PKD1L1: variants seen among roughly 807,000 people sequenced by gnomAD.
The protein encoded by PKD1L1 is polycystin 1 like 1, transient receptor potential channel interacting.
Under a neutral mutation model 323.4 loss-of-function variants are expected in PKD1L1, and 236 were observed. The observed-to-expected ratio is 0.73, with a 90% CI of 0.66 to 0.81. PKD1L1 has a LOEUF of 0.81. Among genes scored for constraint, PKD1L1 ranks in the 40% least tolerant of loss-of-function variants. The pLI, the probability that PKD1L1 is intolerant of heterozygous loss-of-function variation, is 0.00. For missense variants in PKD1L1, 3,320 were observed against 3,508.0 expected (o/e 0.95, Z 1.35); for synonymous variants, 1,344 against 1,335.0 (o/e 1.01, Z -0.15).
rs778967721 is a variant in PKD1L1, at chr7:47,893,928, G to A, written c.2403C>T (p.Val801=). Residue 801 remains valine (V), a synonymous_variant, in exon 15 of 57, where the codon GTC becomes GTT. Transcript: ENST00000289672. ...FFSRTTSSPI[V]LRGTQSFDPD... Reference sequence around the variant, plus strand: ...GGTCGAAGGACTGGGTCCCTCTGAGGACAATGGGGGATGAGGTGGTCCTGG... The same window carrying A: ...GGTCGAAGGACTGGGTCCCTCTGAGAACAATGGGGGATGAGGTGGTCCTGG... 19 of 1,614,092 alleles carry A rather than the reference G, an allele frequency of 1.2e-5. No homozygotes were observed. The highest frequency in any genetic ancestry group is 1.4e-5 in the Non-Finnish European group (16 of 1,180,028).
chr7:47,958,061 AC>A, the PKD1L1 span, among the ~76,000 whole-genome samples: 18 of 152,112 alleles, frequency 1.2e-4, no homozygotes, highest in African/African-American at 4.1e-4. Flanking sequence ...CTATCAAAAT[AC>A]CAATGACATT....
rs1786170084 is a variant in PKD1L1 at position 47,866,435 on chromosome 7, A to AATCTGC, written c.4070_4075dup (p.Cys1357_Arg1358dup). 6.2e-7 allele frequency: 1 copy of AATCTGC among 1,613,362 alleles called. No homozygotes were observed. The highest frequency in any genetic ancestry group is 1.3e-5 in the African/African-American group (1 of 74,912). ...GAGCCATACCTGATCTACAAAAGCC[A>AATCTGC]ATCTGCATACTGAAGAAATTAATGC... On this transcript the variant is annotated inframe_insertion, in exon 25 of 57. Coordinates refer to ENST00000289672, the MANE Select transcript of PKD1L1 (RefSeq NM_138295.5).
At chr7:47,901,601 C>G (rs1020209249) in intron 13 of PKD1L1, among the ~76,000 whole-genome samples, 7 of 152,184 alleles carry the variant, frequency 4.6e-5, no homozygotes, top group Non-Finnish European at 1.0e-4. Flanking sequence ...GCACGCAGAC[C>G]TGCCCAACAG....
chr7:47,813,753 T>A (rs1462801394), intron 48 of PKD1L1, among the ~76,000 whole-genome samples, 178 bp downstream of exon 48: 1 of 152,208 alleles, frequency 6.6e-6, no homozygotes, highest in African/African-American at 2.4e-5. Flanking sequence ...AAAGTGTTCA[T>A]AAAGGGGAAG....
At chr7:47,948,609 C>G (rs1365447065), upstream of PKD1L1, 1 of 612,836 alleles carries the variant, frequency 1.6e-6, no homozygotes, top group Non-Finnish European at 2.9e-6. Flanking sequence ...GTAACATTTT[C>G]CCAAGCAGAA....
intron 31 of PKD1L1, among the ~76,000 whole-genome samples, chr7:47,852,872 C>A (rs192120915): frequency 6.6e-6 from 1 of 151,994 alleles, no homozygotes; most frequent in South Asian, 2.1e-4. Context: ...CAGGAGGAGG[C>A]GCCAGAGACC....
In PKD1L1 at chr7:47,808,327, C is replaced by G; in HGVS notation, c.7747G>C (p.Ala2583Pro). 6.2e-7 allele frequency: 1 copy of G among 1,614,146 alleles called. No homozygotes were observed. ...TGAAACTGGTTAGTGACATCTCCAG[C>G]AAGAGTAACAAGGTGGCCGGAAACT... The part of the protein sequence containing the change: ...YAVSGHLVTL[A>P]GDVTNQFHRG... The change falls in exon 52 of 57, where the codon GCT becomes CCT. Residue 2583 changes from alanine (A) to proline (P), a missense_variant. Transcript: ENST00000289672.
At chr7:47,864,604 CTT>C (rs1451611018) in intron 26 of PKD1L1, among the ~76,000 whole-genome samples, 10 of 105,600 alleles carry the variant, frequency 9.5e-5, no homozygotes, top group Non-Finnish European at 1.3e-4. Context: ...TTCTTTCTTT[CTT>C]TCTTTCTTTC....
Position 47,855,011 on chromosome 7 carries a change from A to G in PKD1L1, c.4730T>C (p.Val1577Ala), listed in dbSNP as rs766250534. The change falls in exon 30 of 57, where the codon GTA (valine) becomes GCA (alanine). Residue 1577 changes from valine (V) to alanine (A), a missense_variant. Val to Ala is a moderately conservative substitution (Grantham distance 64). Transcript: ENST00000289672. The stretch of plus-strand genomic sequence containing the variant: ...GAGATTCACTTTATCCCGAAGTAAT[A>G]CAAATGTCGTTTTATTTCTCCTATT... Reference protein sequence around the residue: ...LDNRRNKTTFVLLRDKVNLHQ... With the variant: ...LDNRRNKTTFALLRDKVNLHQ... 2.5e-6 allele frequency: 4 copies of G among 1,613,148 alleles called. No individual in the cohort carries two copies. The Admixed American group carries it at 6.7e-5, about 27-fold the overall frequency.
intron 54 of PKD1L1, 125 bp downstream of exon 54, chr7:47,800,524 G>T: frequency 1.0e-6 from 1 of 970,010 alleles, no homozygotes; most frequent in Non-Finnish European, 1.6e-6. Flanking sequence ...TGGACGGCAG[G>T]GATTCATTAC....
intron 16 of PKD1L1, among the ~76,000 whole-genome samples, chr7:47,889,569 T>C (rs1786763994): frequency 6.6e-6 from 1 of 152,074 alleles, no homozygotes; most frequent in African/African-American, 2.4e-5. Context: ...ATGGCTCTAA[T>C]CTTGAAACCC....
chr7:47,911,680 T>C (rs951038870), intron 8 of PKD1L1, among the ~76,000 whole-genome samples: 1 of 152,154 alleles, frequency 6.6e-6, no homozygotes, highest in Non-Finnish European at 1.5e-5. Context: ...GTAGCTAGCA[T>C]GTTCAGAATA....
chr7:47,954,170 A>G, the PKD1L1 span, among the ~76,000 whole-genome samples: 2 of 152,194 alleles, frequency 1.3e-5, no homozygotes, highest in East Asian at 3.9e-4. Context: ...CCAAACCTCT[A>G]TGAGCCTCGG....
At chr7:47,841,016 C>T (rs536091365) in intron 34 of PKD1L1, among the ~76,000 whole-genome samples, 1 of 152,324 alleles carries the variant, frequency 6.6e-6, no homozygotes, top group Admixed American at 6.5e-5. Flanking sequence ...GCTTGTCGTT[C>T]TCACTGGTAT....
At position 47,887,994 on chromosome 7, in the gene PKD1L1, T is replaced by C; in HGVS notation, c.2832A>G (p.Ile944Met). 6.2e-7 allele frequency: 1 copy of C among 1,610,640 alleles called. No individual in the cohort carries two copies. The highest frequency in any genetic ancestry group is 8.5e-7 in the Non-Finnish European group (1 of 1,178,240). ...AAAGCTATTAATCCTTTTTACCTTC[T>C]ATCCTATTCTTTTCTGTTGCATTGA... ...FLVNATEKNR[I>M]EVPFCRVVGL... The change falls in exon 17 of 57, where the codon ATA (isoleucine) becomes ATG (methionine). Residue 944 changes from isoleucine (I) to methionine (M), a missense_variant. Coordinates refer to ENST00000289672, the MANE Select transcript of PKD1L1 (RefSeq NM_138295.5).
chr7:47,843,497 T>C (rs190395150), intron 33 of PKD1L1, among the ~76,000 whole-genome samples: 2 of 152,322 alleles, frequency 1.3e-5, no homozygotes, highest in Admixed American at 6.5e-5. Context: ...GCTGCTATTG[T>C]AAAGATTAAG....
intron 23 of PKD1L1, 81 bp downstream of exon 23, chr7:47,876,015 GT>G: frequency 6.8e-6 from 10 of 1,479,024 alleles, no homozygotes; most frequent in Non-Finnish European, 8.3e-6. Flanking sequence ...TCTAGACACA[GT>G]TTAGTTTTTG....
intron 54 of PKD1L1, among the ~76,000 whole-genome samples, chr7:47,799,832 A>C (rs1158090693): frequency 6.6e-6 from 1 of 152,202 alleles, no homozygotes; most frequent in Non-Finnish European, 1.5e-5. Flanking sequence ...TTCTGGAAAT[A>C]GAAGTGATGA....
chr7:47,832,573 C>A (rs1365224892), intron 41 of PKD1L1, among the ~76,000 whole-genome samples: 1 of 152,204 alleles, frequency 6.6e-6, no homozygotes, highest in African/African-American at 2.4e-5. Flanking sequence ...ACCATCTGCT[C>A]ATGTACCATG....
Sources: gnomAD v4.1 joint callset for allele counts (sites outside exome capture counted in the v4.1 genomes callset) on GRCh38, gnomAD v4.1.1 for gene constraint, MANE v1.5 for transcripts, NCBI Gene and HGNC (gene_info 2026-07-23, HGNC 2026-07-21) for gene names.